Variants in ESCO1 observed in about 807,000 individuals in gnomAD.
ESCO1 encodes establishment of sister chromatid cohesion N-acetyltransferase 1.
In ESCO1, 33 loss-of-function variants were observed where a neutral mutation model predicts 83.5. That is an observed-to-expected ratio of 0.40 (90% CI 0.30 to 0.53). The LOEUF is 0.53. Among genes scored for constraint, ESCO1 ranks in the 20% least tolerant of loss-of-function variants. The probability of loss-of-function intolerance (pLI) is 0.63; values close to 1 mark genes in which losing one functional copy is unlikely to be tolerated. For missense variants in ESCO1, 855 were observed against 968.0 expected, an observed-to-expected ratio of 0.88 and a Z score of 1.55; for synonymous variants, 332 against 324.3, an observed-to-expected ratio of 1.02 and a Z score of -0.25.
chr18:21,589,056 A>G (rs28812923), intron 1 of ESCO1, among the ~76,000 whole-genome samples: 1,593 of 152,266 alleles, frequency 0.01, 33 homozygotes, highest in African/African-American at 0.036. Context: ...AGCCTGGCCA[A>G]CATGGTGAAA....
chr18:21,547,109 T>A (rs1479237594), intron 8 of ESCO1, among the ~76,000 whole-genome samples: 1 of 152,222 alleles, frequency 6.6e-6, no homozygotes, highest in East Asian at 1.9e-4. Context: ...ACTTTTCCAA[T>A]CTTTGTCATA....
At position 21,532,604 on chromosome 18, in the gene ESCO1, G is replaced by T; in HGVS notation, c.2244C>A (p.Val748=). 1 of 1,614,118 alleles carries T rather than the reference G, an allele frequency of 6.2e-7. No homozygotes were observed. The highest frequency in any genetic ancestry group is 1.1e-5 in the South Asian group (1 of 91,076). The change falls in exon 11 of 12, where the codon GTC becomes GTA. Residue 748 remains valine (V), a synonymous_variant. Coordinates refer to ENST00000269214, the MANE Select transcript of ESCO1 (RefSeq NM_052911.3). ...LPVIRSEEEK[V]RFERQKAWCC... ...ACCAGGCTTTTTGCCTTTCAAATCT[G>T]ACTTTTTCTTCTTCTGACCTGATAA...
chr18:21,535,967 G>T, intron 10 of ESCO1, 75 bp downstream of exon 10: 1 of 1,529,194 alleles, frequency 6.5e-7, no homozygotes, highest in Non-Finnish European at 8.9e-7. Flanking sequence ...AATTTATCAG[G>T]ATTTATGTTA....
At chr18:21,569,567 G>A (rs1338137535) in intron 4 of ESCO1, among the ~76,000 whole-genome samples, 1 of 152,228 alleles carries the variant, frequency 6.6e-6, no homozygotes, top group African/African-American at 2.4e-5. Flanking sequence ...CCAAGATGGT[G>A]AAACCCCGTC....
In ESCO1 at chr18:21,575,110, G is replaced by C. The variant is rs1000034781; in HGVS notation, c.-267C>G. The stretch of plus-strand genomic sequence containing the variant: ...GTAATAAAAATTTGAGGAAAATTTT[G>C]ATTATTTTTAATAAGTTTTTTTATC... On this transcript the variant is annotated 5_prime_UTR_variant, in exon 4 of 12. The change creates a new upstream start codon in the 5' untranslated region. Coordinates refer to ENST00000269214, the MANE Select transcript of ESCO1 (RefSeq NM_052911.3). The C allele has an allele frequency of 2.7e-6, 1 of 368,000 alleles. No individual in the cohort carries two copies. Among genetic ancestry groups the C allele is most frequent in the Non-Finnish European group, 4.8e-6 (1 of 208,458 alleles). 22.8% of individuals were successfully genotyped at this position (368,000 alleles called of 1,614,324 possible). A position where few individuals can be genotyped will look rare whatever the true frequency, so the allele number is the denominator to read the frequency against.
chr18:21,599,237 C>T (rs559524272), intron 1 of ESCO1, among the ~76,000 whole-genome samples: 2 of 152,078 alleles, frequency 1.3e-5, no homozygotes, highest in South Asian at 4.1e-4. Context: ...CTCAGGGAGG[C>T]GGAGGTGGGA....
At chr18:21,584,582 G>C (rs530725893) in intron 1 of ESCO1, 142 bp from the exon 2 acceptor site, 1 of 152,206 alleles carries the variant, frequency 6.6e-6, no homozygotes, top group Admixed American at 6.6e-5. Flanking sequence ...AGAGGTGGAA[G>C]GATCAAGGAT....
intron 2 of ESCO1, among the ~76,000 whole-genome samples, chr18:21,582,821 C>G (rs957312739): frequency 2.0e-5 from 3 of 152,178 alleles, no homozygotes; most frequent in African/African-American, 7.2e-5. Context: ...TGTCAGGTAC[C>G]TTACATTACT....
chr18:21,564,235 C>A lies in ESCO1; in HGVS notation c.1789G>T (p.Ala597Ser). ...AACTGTTTTTCATCAGTTTTCTCTG[C>A]TTCTTTTAGTTTCAAGTCCTTTGGA... is the stretch of plus-strand genomic sequence containing the variant. Reference protein sequence around the residue: ...TIPKDLKLKEAEKTDEKQLII... With the variant: ...TIPKDLKLKESEKTDEKQLII... The change falls in exon 7 of 12, where the codon GCA (alanine) becomes TCA (serine). Residue 597 changes from alanine (A) to serine (S), a missense_variant. Transcript: ENST00000269214. The A allele has an allele frequency of 6.2e-7, 1 of 1,609,078 alleles. No individual in the cohort carries two copies. Among genetic ancestry groups the A allele is most frequent in the Non-Finnish European group, 8.5e-7 (1 of 1,177,298 alleles).
intron 11 of ESCO1, 23 bp from the exon 12 acceptor site, chr18:21,530,513 G>T: frequency 4.2e-6 from 6 of 1,423,104 alleles, no homozygotes; most frequent in South Asian, 2.6e-5. Context: ...AATGGGGGGG[G>T]GGAAGGGTTA....
intron 8 of ESCO1, among the ~76,000 whole-genome samples, chr18:21,553,862 CA>C (rs1261790821): frequency 1.6e-3 from 141 of 86,298 alleles, no homozygotes; most frequent in Non-Finnish European, 2.2e-3. Context: ...GAAACTCTGT[CA>C]AAAAAAAAAA....
At position 21,529,295 on chromosome 18, in the gene ESCO1, A is replaced by G. The variant is rs2037737487; in HGVS notation, c.*1048T>C. 6.6e-6 allele frequency: 1 copy of G among 152,626 alleles called. No homozygotes were observed. Among genetic ancestry groups the G allele is most frequent in the Non-Finnish European group, 1.5e-5 (1 of 68,044 alleles). 9.5% of individuals were successfully genotyped at this position (152,626 alleles called of 1,614,324 possible). A position where few individuals can be genotyped will look rare whatever the true frequency, so the allele number is the denominator to read the frequency against. ...ACACACCATTATTCTCAGTTAGTAC[A>G]TTGGTCACTTAGAAAAAGCTATCAA... On this transcript the variant is annotated 3_prime_UTR_variant, in exon 12 of 12. Transcript: ENST00000269214.
Position 21,530,518 on chromosome 18 carries a change from G to C in ESCO1, c.2376-28C>G, listed in dbSNP as rs771936269. ...ATTAAAAAAAAATGGGGGGGGGGAAGGGTTAAGTGTGAAATGTTAAAAAAA... is the reference window on the plus strand; with the variant it reads ...ATTAAAAAAAAATGGGGGGGGGGAACGGTTAAGTGTGAAATGTTAAAAAAA... On this transcript the variant is annotated intron_variant, in intron 11 of 11. Coordinates refer to ENST00000269214, the MANE Select transcript of ESCO1 (RefSeq NM_052911.3). The C allele has an allele frequency of 6.5e-6, 9 of 1,392,148 alleles. No individual in the cohort carries two copies. In the South Asian group the frequency reaches 8.1e-5, roughly 13 times the overall value. 86.2% of individuals were successfully genotyped at this position (1,392,148 alleles called of 1,614,324 possible).
chr18:21,574,728 G>T lies in ESCO1; in HGVS notation c.116C>A (p.Ser39Ter). The T allele has an allele frequency of 6.2e-7, 1 of 1,611,276 alleles. No individual in the cohort carries two copies. Reference sequence around the variant, plus strand: ...TGATTTTATAGTCTCCTTTGGACCTGATTTTTTTGCTAGATTCTTTTGAGA... The same window carrying T: ...TGATTTTATAGTCTCCTTTGGACCTTATTTTTTTGCTAGATTCTTTTGAGA... ...QDSQKNLAKK[S>*]GPKETIKSQA... The change falls in exon 4 of 12, where the codon TCA becomes TAA. Residue 39 changes from serine to a stop codon, truncating the protein, a stop_gained. Coordinates refer to ENST00000269214, the MANE Select transcript of ESCO1 (RefSeq NM_052911.3). LOFTEE classifies it high-confidence loss of function.
chr18:21,535,950 G>T (rs1391079348), intron 10 of ESCO1, 92 bp downstream of exon 10: 3 of 1,464,120 alleles, frequency 2.0e-6, no homozygotes, highest in Admixed American at 2.0e-5. Context: ...TACATGAAAT[G>T]GAGACAAATT....
At chr18:21,532,419 T>A in intron 11 of ESCO1, 54 bp downstream of exon 11, 1 of 1,524,506 alleles carries the variant, frequency 6.6e-7, no homozygotes, top group Non-Finnish European at 8.9e-7. Context: ...ACACTAAAGC[T>A]CTGCCTAAGT....
chr18:21,548,356 G>A (rs2038001042), intron 8 of ESCO1, among the ~76,000 whole-genome samples: 1 of 151,788 alleles, frequency 6.6e-6, no homozygotes, highest in Admixed American at 6.6e-5. Context: ...TTAGCTGAGT[G>A]TGATGGCACA....
At chr18:21,586,992 G>T (rs2038591082) in intron 1 of ESCO1, among the ~76,000 whole-genome samples, 1 of 152,052 alleles carries the variant, frequency 6.6e-6, no homozygotes, top group African/African-American at 2.4e-5. Context: ...CATCTATTGA[G>T]GTAATCATGT....
intron 9 of ESCO1, among the ~76,000 whole-genome samples, chr18:21,536,590 CAAAAAAA>C (rs35366987): frequency 2.1e-5 from 2 of 96,836 alleles, no homozygotes; most frequent in African/African-American, 5.1e-5. Flanking sequence ...GACTCCATCT[CAAAAAAA>C]AAAAAAAAAA....
Sources: allele counts gnomAD v4.1 joint callset (sites outside exome capture counted in the v4.1 genomes callset), GRCh38; gene constraint gnomAD v4.1.1; transcripts MANE v1.5; gene names NCBI Gene and HGNC (gene_info 2026-07-23, HGNC 2026-07-21).